KIF9: variants seen among roughly 807,000 people sequenced by gnomAD.
KIF9 encodes kinesin-like protein KIF9.
KIF9 carries 68 observed loss-of-function variants against 94.8 expected under a neutral mutation model. The ratio of observed to expected loss-of-function variants is 0.72; its 90% confidence interval spans 0.59 to 0.88. The LOEUF is 0.88. KIF9 is among the 40% of genes least tolerant of loss of function. The probability of loss-of-function intolerance (pLI) is 0.00; values close to 1 mark genes in which losing one functional copy is unlikely to be tolerated. For synonymous variants in KIF9, 343 were observed against 362.1 expected, an observed-to-expected ratio of 0.95 and a Z score of 0.60; for missense variants, 882 against 982.5, an observed-to-expected ratio of 0.90 and a Z score of 1.37.
rs770998498 is a variant in KIF9 at position 47,243,166 on chromosome 3, G to A, written c.1594C>T (p.Leu532=). 1 of 1,613,922 alleles carries A rather than the reference G, an allele frequency of 6.2e-7. No homozygotes were observed. Among genetic ancestry groups the A allele is most frequent in the Non-Finnish European group, 8.5e-7 (1 of 1,179,848 alleles). Residue 532 remains leucine, a synonymous_variant, in exon 16 of 21, where the codon CTG becomes TTG. Coordinates refer to ENST00000684063, the MANE Select transcript of KIF9 (RefSeq NM_182902.4). ...TCCCCATCTTTGGAGGATGGGACCA[G>A]CTGGGTCTTGGAGGTGGAAACGTAA... ...LDYVSTSKTQ[L]VPSSKDGDVK...
At chr3:47,250,502 T>C in intron 10 of KIF9, 1 of 434,156 alleles carries the variant, frequency 2.3e-6, no homozygotes, top group Non-Finnish European at 4.8e-6. Context: ...GGTAAGTAAA[T>C]AAATGATACT....
intron 16 of KIF9, among the ~76,000 whole-genome samples, chr3:47,241,741 G>GTATATATACA (rs1245016494): frequency 2.8e-5 from 4 of 143,798 alleles, no homozygotes; most frequent in African/African-American, 1.0e-4. Context: ...ATATGTGTGT[G>GTATATATACA]TATATATACG....
chr3:47,245,893 A>C, intron 13 of KIF9: 1 of 474,054 alleles, frequency 2.1e-6, no homozygotes, highest in Non-Finnish European at 3.8e-6. Flanking sequence ...GACTATGGGT[A>C]TGTTTGCACC....
At chr3:47,250,399 C>T (rs1007272748) in intron 10 of KIF9, 3 of 203,344 alleles carry the variant, frequency 1.5e-5, no homozygotes, top group Non-Finnish European at 3.2e-5. Context: ...CATCAGACTG[C>T]AAGCTCAGAG....
At chr3:47,245,543 C>T (rs745858274) in intron 13 of KIF9, 32 bp from the exon 14 acceptor site, 20 of 1,547,374 alleles carry the variant, frequency 1.3e-5, no homozygotes, top group Non-Finnish European at 1.7e-5. Flanking sequence ...ACAGCTTGTA[C>T]CTGGGGCCAT....
chr3:47,267,577 G>C (rs1212692557), intron 5 of KIF9, among the ~76,000 whole-genome samples: 1 of 152,136 alleles, frequency 6.6e-6, no homozygotes, highest in Non-Finnish European at 1.5e-5. Context: ...CAACAATTTG[G>C]GAATGATCTA....
intron 10 of KIF9, among the ~76,000 whole-genome samples, chr3:47,250,046 C>A (rs1422383316): frequency 1.3e-5 from 2 of 149,780 alleles, no homozygotes; most frequent in East Asian, 3.9e-4. Context: ...GAGTCACTGT[C>A]TCAAAAAAAA....
chr3:47,275,233 GTGAGTGAGC>G (rs1177965142), intron 3 of KIF9, 83 bp downstream of exon 3: 2 of 961,766 alleles, frequency 2.1e-6, no homozygotes, highest in Non-Finnish European at 3.1e-6. Flanking sequence ...ACAAATGATA[GTGAGTGAGC>G]TTTTATTTTA....
intron 9 of KIF9, among the ~76,000 whole-genome samples, chr3:47,260,057 GTCTCGGTATAAAA>G (rs1351692560): frequency 8.5e-6 from 1 of 117,066 alleles, no homozygotes; most frequent in Non-Finnish European, 1.7e-5. Context: ...GCAATGGAAT[GTCTCGGTATAAAA>G]CCCGATTGTA....
chr3:47,268,333 G>A (rs1046592465), intron 5 of KIF9, among the ~76,000 whole-genome samples: 3 of 152,158 alleles, frequency 2.0e-5, no homozygotes, highest in Admixed American at 1.3e-4. Context: ...GGGATAGACT[G>A]ATGTCTCCTT....
chr3:47,236,532 C>T lies in KIF9; in HGVS notation c.2012G>A (p.Arg671His), dbSNP rs754249838. Residue 671 changes from arginine to histidine, a missense_variant, in exon 18 of 21, where the codon CGC (arginine) becomes CAC (histidine). Transcript: ENST00000684063. ...LKLKDLKKQYRSEYQDLRDLR... is the reference protein window; with the variant it reads ...LKLKDLKKQYHSEYQDLRDLR... ...GTCACGCAGGTCCTGGTACTCGCTG[C>T]GGTACTGCTTCTTGAGGTCTTTGAG... 9 of 1,613,916 alleles carry T rather than the reference C, an allele frequency of 5.6e-6. No individual in the cohort carries two copies. The highest frequency in any genetic ancestry group is 4.5e-5 in the East Asian group (2 of 44,892).
rs1702459076 is a variant in KIF9, at chr3:47,282,495, C to G, written c.-6G>C. ...CCACCGGCGAGCAGCCCCTGCTCAC[C>G]GTTCACCAGGCAGCGACGCTCCCGG... On this transcript the variant is annotated splice_region_variant and 5_prime_UTR_variant, in exon 1 of 21. Coordinates refer to ENST00000684063, the MANE Select transcript of KIF9 (RefSeq NM_182902.4). The G allele has an allele frequency of 7.0e-6, 7 of 994,122 alleles. No homozygotes were observed. Among genetic ancestry groups the G allele is most frequent in the Non-Finnish European group, 8.4e-6 (7 of 834,522 alleles). The allele number at this position is 994,122 out of a possible 1,614,324, so 61.6% of individuals were successfully genotyped here. A position where few individuals can be genotyped will look rare whatever the true frequency, so the allele number is the denominator to read the frequency against.
In KIF9 at chr3:47,247,459, T is replaced by C. The variant is rs1364638292; in HGVS notation, c.1147A>G (p.Thr383Ala). 1 of 1,613,452 alleles carries C rather than the reference T, an allele frequency of 6.2e-7. No homozygotes were observed. The highest frequency in any genetic ancestry group is 1.7e-4 in the Middle Eastern group (1 of 6,054). Residue 383 changes from threonine (T) to alanine (A), a missense_variant, in exon 12 of 21, where the codon ACC becomes GCC. Physicochemically the swap from Thr to Ala is moderately conservative, Grantham distance 58. Transcript: ENST00000684063. ...HDSLTNRTFV[T>A]YDPMDEIQIA... Reference sequence around the variant, plus strand: ...TGGATTTCATCCATGGGGTCATAGGTCACAAAGGTGCGGTTGGTCTTGAAG... The same window carrying C: ...TGGATTTCATCCATGGGGTCATAGGCCACAAAGGTGCGGTTGGTCTTGAAG...
intron 8 of KIF9, 133 bp from the exon 9 acceptor site, chr3:47,264,483 C>T (rs773597557): frequency 4.5e-6 from 3 of 665,084 alleles, no homozygotes; most frequent in Non-Finnish European, 5.4e-6. Flanking sequence ...GTCACCCAGG[C>T]TGTAGTGCAG....
At chr3:47,267,372 C>T (rs1260071829) in intron 5 of KIF9, 109 bp from the exon 6 acceptor site, 7 of 804,594 alleles carry the variant, frequency 8.7e-6, no homozygotes, top group African/African-American at 5.1e-5. Context: ...CATATCACTG[C>T]GATCAGCTGG....
chr3:47,267,098 G>C (rs1377887117), intron 6 of KIF9, 30 bp from the exon 7 acceptor site: 14 of 1,606,922 alleles, frequency 8.7e-6, no homozygotes, highest in Non-Finnish European at 1.2e-5. Flanking sequence ...AAGTTAGACT[G>C]TCACAGGGAG....
Position 47,228,438 on chromosome 3 carries a change from T to C in KIF9, c.*214A>G. The C allele has an allele frequency of 1.6e-6, 1 of 608,740 alleles. No homozygotes were observed. The highest frequency in any genetic ancestry group is 1.9e-5 in the South Asian group (1 of 51,850). The allele number at this position is 608,740 out of a possible 1,614,324, so 37.7% of individuals were successfully genotyped here. A position where few individuals can be genotyped will look rare whatever the true frequency, so the allele number is the denominator to read the frequency against. On this transcript the variant is annotated 3_prime_UTR_variant, in exon 21 of 21. Coordinates refer to ENST00000684063, the MANE Select transcript of KIF9 (RefSeq NM_182902.4). ...AGTTATTTTATCCTGTCCCTGCATA[T>C]AAGACAGTGAATTAAAACCCAAAGT... is the stretch of plus-strand genomic sequence containing the variant.
At chr3:47,245,077 CT>C in intron 14 of KIF9, 153 bp from the exon 15 acceptor site, 1 of 1,026,502 alleles carries the variant, frequency 9.7e-7, no homozygotes, top group Non-Finnish European at 1.4e-6. Flanking sequence ...AGGCTGTCCC[CT>C]GTAGAGCGGT....
chr3:47,240,738 C>G, intron 17 of KIF9, 63 bp downstream of exon 17: 1 of 1,415,358 alleles, frequency 7.1e-7, no homozygotes, highest in Non-Finnish European at 1.0e-6. Context: ...AAGGGCTGTT[C>G]TGCTTCAACC....
Sources: allele counts gnomAD v4.1 joint callset (sites outside exome capture counted in the v4.1 genomes callset), GRCh38; gene constraint gnomAD v4.1.1; transcripts MANE v1.5; gene names NCBI Gene and HGNC (gene_info 2026-07-23, HGNC 2026-07-21).